OSBPL1A: variants seen among roughly 807,000 people sequenced by gnomAD.
OSBPL1A encodes the protein oxysterol binding protein like 1A.
A neutral mutation model predicts 137.1 loss-of-function variants in OSBPL1A; 80 were observed. The ratio of observed to expected loss-of-function variants is 0.58; its 90% confidence interval spans 0.49 to 0.70. The LOEUF (loss-of-function observed/expected upper bound fraction) is 0.70, where lower values mean the gene tolerates loss of function less well. OSBPL1A is among the 30% of genes least tolerant of loss of function. The pLI is 0.00. For synonymous variants in OSBPL1A, 365 were observed against 389.7 expected (o/e 0.94, Z 0.75); for missense variants, 970 against 1,129.4 (o/e 0.86, Z 2.02).
In OSBPL1A at chr18:24,388,887, C is replaced by T. The variant is rs529140504; in HGVS notation, c.-3+8768G>A. On this transcript the variant is annotated intron_variant, in intron 1 of 27. Transcript: ENST00000319481. ...CCCCACAGATTGAGGTTGATAACTACTTTCTTAATTTGATGCATCTTTAAT... is the reference window on the plus strand; with the variant it reads ...CCCCACAGATTGAGGTTGATAACTATTTTCTTAATTTGATGCATCTTTAAT... 2.0e-3 allele frequency among the ~76,000 whole-genome samples: 303 copies of T among 150,980 alleles called. 1 individual carries two copies. The highest frequency in any genetic ancestry group is 2.7e-3 in the Non-Finnish European group (184 of 67,828).
At chr18:24,307,315 T>C (rs2090522821) in intron 13 of OSBPL1A, among the ~76,000 whole-genome samples, 1 of 152,124 alleles carries the variant, frequency 6.6e-6, no homozygotes, top group Admixed American at 6.6e-5. Flanking sequence ...ATACTCCATC[T>C]TTCCTAAGTC....
At position 24,284,211 on chromosome 18, in the gene OSBPL1A, CATA is replaced by C. The variant is rs563269947; in HGVS notation, c.1175-3266_1175-3264del. ...CATGCTTCTTATAGAATTATGTTTACATAATGTTACATAAAAAAAAAATTAAAA... is the reference window on the plus strand; with the variant it reads ...CATGCTTCTTATAGAATTATGTTTACATGTTACATAAAAAAAAAATTAAAA... On this transcript the variant is annotated intron_variant, in intron 14 of 27. Coordinates refer to ENST00000319481, the MANE Select transcript of OSBPL1A (RefSeq NM_080597.4). Among the ~76,000 whole-genome samples, 257 of 143,824 alleles carry C rather than the reference CATA, an allele frequency of 1.8e-3. 1 individual carries two copies. Among genetic ancestry groups the C allele is most frequent in the Non-Finnish European group, 3.3e-3 (210 of 64,154 alleles). 94.4% of individuals were successfully genotyped at this position (143,824 alleles called of 152,430 possible). A position where few individuals can be genotyped will look rare whatever the true frequency, so the allele number is the denominator to read the frequency against.
chr18:24,388,501 T>TA (rs1330181904), intron 1 of OSBPL1A, among the ~76,000 whole-genome samples: 1 of 152,016 alleles, frequency 6.6e-6, no homozygotes, highest in Non-Finnish European at 1.5e-5. Flanking sequence ...AACACATTTT[T>TA]AAAAATTTGT....
At chr18:24,345,890 G>C (rs2091338653) in intron 4 of OSBPL1A, among the ~76,000 whole-genome samples, 1 of 151,980 alleles carries the variant, frequency 6.6e-6, no homozygotes, top group African/African-American at 2.4e-5. Flanking sequence ...AAAGGTATTT[G>C]GTCTCTTGTT....
chr18:24,379,548 T>C (rs542738546), intron 1 of OSBPL1A, among the ~76,000 whole-genome samples: 2 of 148,720 alleles, frequency 1.3e-5, no homozygotes, highest in South Asian at 4.3e-4. Flanking sequence ...GTTAAGAGAA[T>C]TGGTCCAGGA....
intron 4 of OSBPL1A, among the ~76,000 whole-genome samples, chr18:24,351,359 A>AAAAAAAAAAAAAAAAC: frequency 6.6e-6 from 1 of 150,382 alleles, no homozygotes; most frequent in Admixed American, 6.7e-5. Flanking sequence ...AAAAAAAAAA[A>AAAAAAAAAAAAAAAAC]AAAAAAAAAA....
chr18:24,194,325 A>G (rs2086967959), intron 18 of OSBPL1A, among the ~76,000 whole-genome samples: 1 of 152,240 alleles, frequency 6.6e-6, no homozygotes, highest in Non-Finnish European at 1.5e-5. Flanking sequence ...GCTGGAATCA[A>G]TGTTACTTTA....
chr18:24,393,210 T>C (rs910195288), intron 1 of OSBPL1A, among the ~76,000 whole-genome samples: 6 of 152,120 alleles, frequency 3.9e-5, no homozygotes, highest in African/African-American at 7.3e-5. Flanking sequence ...CACATGTGCA[T>C]AGATACACAT....
At chr18:24,253,900 C>A (rs1004699457) in intron 15 of OSBPL1A, among the ~76,000 whole-genome samples, 6 of 152,162 alleles carry the variant, frequency 3.9e-5, no homozygotes, top group African/African-American at 1.4e-4. Context: ...ACTGTAATTT[C>A]TAATCTTGTA....
At position 24,268,602 on chromosome 18, in the gene OSBPL1A, T is replaced by C. The variant is rs1043779915; in HGVS notation, c.1281+12240A>G. Among the ~76,000 whole-genome samples, 5 of 152,154 alleles carry C rather than the reference T, an allele frequency of 3.3e-5. No individual in the cohort carries two copies. In the East Asian group the frequency reaches 9.7e-4, roughly 29 times the overall value. On this transcript the variant is annotated intron_variant, in intron 15 of 27. Transcript: ENST00000319481. ...ATGACCACCTGGCTACCAAATACAA[T>C]GGACATGCTTCAGTTCTTACCTGTC... is the stretch of plus-strand genomic sequence containing the variant.
chr18:24,179,708 T>C, intron 20 of OSBPL1A, 30 bp downstream of exon 20: 4 of 1,564,776 alleles, frequency 2.6e-6, no homozygotes, highest in Non-Finnish European at 2.6e-6. Context: ...TCTGCAACGC[T>C]GTATAAAGCA....
chr18:24,199,746 A>C (rs2087158824), intron 17 of OSBPL1A, among the ~76,000 whole-genome samples: 1 of 152,248 alleles, frequency 6.6e-6, no homozygotes, highest in Non-Finnish European at 1.5e-5. Context: ...CCTGTGTCAC[A>C]ATGAATTCTA....
intron 4 of OSBPL1A, chr18:24,358,595 C>G: frequency 1.4e-6 from 1 of 693,484 alleles, no homozygotes; most frequent in Non-Finnish European, 2.6e-6. Context: ...TGGGCATCGC[C>G]TGAAACACAG....
intron 17 of OSBPL1A, 55 bp from the exon 18 acceptor site, chr18:24,196,255 G>C: frequency 8.3e-7 from 1 of 1,209,778 alleles, no homozygotes; most frequent in Non-Finnish European, 1.2e-6. Context: ...GTCAGCAGGA[G>C]GGAAGAACTG....
At chr18:24,239,693 C>T (rs1255339676) in intron 15 of OSBPL1A, among the ~76,000 whole-genome samples, 3 of 151,982 alleles carry the variant, frequency 2.0e-5, no homozygotes, top group African/African-American at 7.3e-5. Context: ...TCTTTTTAAA[C>T]ATAAAGAATA....
rs551192652 is a variant in OSBPL1A, at chr18:24,395,363, G to T, written c.-3+2292C>A. ...ACTTTTCTCAATGAAAACATATGATGTATAAAAGCTCAGCTTCCAGTAATG... is the reference window on the plus strand; with the variant it reads ...ACTTTTCTCAATGAAAACATATGATTTATAAAAGCTCAGCTTCCAGTAATG... On this transcript the variant is annotated intron_variant, in intron 1 of 27. Transcript: ENST00000319481. Among the ~76,000 whole-genome samples, 3 of 152,242 alleles carry T rather than the reference G, an allele frequency of 2.0e-5. No individual in the cohort carries two copies. In the South Asian group the frequency reaches 6.2e-4, roughly 32 times the overall value.
At chr18:24,170,918 G>A (rs2086264842) in intron 23 of OSBPL1A, among the ~76,000 whole-genome samples, 1 of 140,742 alleles carries the variant, frequency 7.1e-6, no homozygotes, top group Non-Finnish European at 1.6e-5. Flanking sequence ...AAAGTGCTGG[G>A]AATACAGGCG....
chr18:24,316,165 G>A (rs954038553), intron 11 of OSBPL1A, among the ~76,000 whole-genome samples: 1 of 152,010 alleles, frequency 6.6e-6, no homozygotes. Flanking sequence ...AGGAGGCTGA[G>A]GCAGAGAACT....
intron 15 of OSBPL1A, among the ~76,000 whole-genome samples, chr18:24,250,094 G>A (rs756279479): frequency 3.4e-4 from 52 of 152,118 alleles, no homozygotes; most frequent in African/African-American, 5.1e-4. Flanking sequence ...AAGATAGGAT[G>A]CTGGGCAGAA....
Sources: allele counts gnomAD v4.1 joint callset (sites outside exome capture counted in the v4.1 genomes callset), GRCh38; gene constraint gnomAD v4.1.1; transcripts MANE v1.5; gene names NCBI Gene and HGNC (gene_info 2026-07-23, HGNC 2026-07-21).